Variants in CDH18 observed in about 807,000 individuals in gnomAD.
CDH18 encodes the protein cadherin-18.
Under a neutral mutation model 67.9 loss-of-function variants are expected in CDH18, and 31 were observed. That is an observed-to-expected ratio of 0.46 (90% confidence interval 0.34 to 0.62). CDH18 has a LOEUF of 0.62. Among genes scored for constraint, CDH18 ranks in the 20% least tolerant of loss-of-function variants. The pLI is 0.01. For missense variants in CDH18, 890 were observed against 975.5 expected, an observed-to-expected ratio of 0.91 and a Z score of 1.17; for synonymous variants, 362 against 347.2, an observed-to-expected ratio of 1.04 and a Z score of -0.48.
At chr5:20,103,131 C>T (rs781436934) in intron 2 of CDH18, among the ~76,000 whole-genome samples, 1 of 152,138 alleles carries the variant, frequency 6.6e-6, no homozygotes, top group Non-Finnish European at 1.5e-5. Flanking sequence ...CTATGTCATG[C>T]GTCCCCAGTA....
chr5:19,524,306 TATTA>T (rs761878171), intron 9 of CDH18, among the ~76,000 whole-genome samples: 32 of 149,446 alleles, frequency 2.1e-4, no homozygotes, highest in Non-Finnish European at 3.3e-4. Context: ...TATATTATTA[TATTA>T]ATTATATATT....
At chr5:20,482,855 AT>A (rs1175311015) in intron 1 of CDH18, among the ~76,000 whole-genome samples, 1 of 152,048 alleles carries the variant, frequency 6.6e-6, no homozygotes. Flanking sequence ...CTCCTGCATG[AT>A]CTCAAAACTT....
chr5:19,481,253 A>T (rs1288565778), intron 12 of CDH18, among the ~76,000 whole-genome samples: 1 of 152,148 alleles, frequency 6.6e-6, no homozygotes. Flanking sequence ...AACTTGAATG[A>T]AGTGGACTTC....
rs536898108 is a variant in CDH18, at chr5:19,825,050, T to C, written c.228+13709A>G. ...AGCTGGAATGCACAGCTTCTGGTTG[T>C]CCCAGGAAGCATCCAGATAGCAGGG... On this transcript the variant is annotated intron_variant, in intron 3 of 12. Transcript: ENST00000382275. Among the ~76,000 whole-genome samples the C allele has an allele frequency of 2.0e-5, 3 of 152,222 alleles. No individual in the cohort carries two copies. In the East Asian group the frequency reaches 5.8e-4, roughly 30 times the overall value.
chr5:19,618,096 G>A (rs1384780948), intron 5 of CDH18, among the ~76,000 whole-genome samples: 1 of 152,070 alleles, frequency 6.6e-6, no homozygotes, highest in African/African-American at 2.4e-5. Context: ...AAACAAGCCT[G>A]CACATTTAAA....
chr5:20,266,408 ATGTT>A (rs960625919), intron 1 of CDH18, among the ~76,000 whole-genome samples: 1 of 151,724 alleles, frequency 6.6e-6, no homozygotes, highest in Non-Finnish European at 1.5e-5. Context: ...GAAAAAAAGT[ATGTT>A]TGTTTGTTTG....
intron 2 of CDH18, among the ~76,000 whole-genome samples, chr5:20,017,172 C>A (rs762381611): frequency 3.3e-5 from 5 of 152,022 alleles, no homozygotes; most frequent in African/African-American, 1.2e-4. Context: ...AAACTAAATA[C>A]GTACTGAAAA....
At chr5:20,233,908 C>A (rs1742274438) in intron 2 of CDH18, among the ~76,000 whole-genome samples, 1 of 152,134 alleles carries the variant, frequency 6.6e-6, no homozygotes, top group South Asian at 2.1e-4. Context: ...GGCTTATGGT[C>A]TATTTTATTC....
At chr5:20,102,316 A>C (rs1052211978) in intron 2 of CDH18, among the ~76,000 whole-genome samples, 1 of 151,892 alleles carries the variant, frequency 6.6e-6, no homozygotes, top group South Asian at 2.1e-4. Flanking sequence ...AGTGAAGTAC[A>C]TATTCTGTTT....
chr5:19,656,130 A>G (rs911794346), intron 5 of CDH18, among the ~76,000 whole-genome samples: 3 of 151,932 alleles, frequency 2.0e-5, no homozygotes, highest in Non-Finnish European at 4.4e-5. Context: ...CTTCCATGCA[A>G]GTAGGCAGGA....
chr5:19,960,673 A>G (rs1322392287), intron 2 of CDH18, among the ~76,000 whole-genome samples: 3 of 136,504 alleles, frequency 2.2e-5, no homozygotes, highest in South Asian at 2.1e-4. Context: ...ACACATGTAT[A>G]TATATGTATA....
At chr5:19,954,808 C>G (rs1796100407) in intron 2 of CDH18, among the ~76,000 whole-genome samples, 1 of 151,284 alleles carries the variant, frequency 6.6e-6, no homozygotes, top group Admixed American at 6.6e-5. Flanking sequence ...AAACTTACGT[C>G]AACCCAAACA....
At chr5:20,514,887 G>A (rs548643390) in intron 1 of CDH18, among the ~76,000 whole-genome samples, 8 of 152,098 alleles carry the variant, frequency 5.3e-5, no homozygotes, top group African/African-American at 1.9e-4. Flanking sequence ...GGTGACTTAA[G>A]CATTAGCAGG....
intron 3 of CDH18, among the ~76,000 whole-genome samples, chr5:19,762,611 A>G (rs1772516068): frequency 6.6e-6 from 1 of 152,150 alleles, no homozygotes; most frequent in South Asian, 2.1e-4. Context: ...GGTGTTGGAG[A>G]GGATGTGGAG....
chr5:19,832,154 T>C (rs1781108296), intron 3 of CDH18, among the ~76,000 whole-genome samples: 1 of 152,118 alleles, frequency 6.6e-6, no homozygotes, highest in South Asian at 2.1e-4. Flanking sequence ...TATTGATTAC[T>C]GTGCTTACTA....
intron 2 of CDH18, among the ~76,000 whole-genome samples, chr5:19,877,296 G>GA (rs551888156): frequency 3.4e-4 from 52 of 152,230 alleles, no homozygotes; most frequent in Non-Finnish European, 4.4e-5. Context: ...GGCAATACTG[G>GA]AAAAATCTTC....
chr5:20,142,049 A>C (rs4091441), intron 2 of CDH18, among the ~76,000 whole-genome samples: 116,727 of 151,764 alleles, frequency 0.77, 48,473 homozygotes, highest in Non-Finnish European at 0.92. Context: ...AAATTAGATA[A>C]ATATAAATAA....
chr5:20,303,787 T>C (rs1015405424), intron 1 of CDH18, among the ~76,000 whole-genome samples: 3 of 152,160 alleles, frequency 2.0e-5, no homozygotes, highest in African/African-American at 7.2e-5. Flanking sequence ...GTTAGTTTAA[T>C]AAACAAACGA....
intron 1 of CDH18, among the ~76,000 whole-genome samples, chr5:20,500,809 T>C (rs1754206374): frequency 6.6e-6 from 1 of 152,200 alleles, no homozygotes; most frequent in Non-Finnish European, 1.5e-5. Context: ...ATCCATATAG[T>C]AAGTGCCTAA....
Sources: allele counts gnomAD v4.1 joint callset (sites outside exome capture counted in the v4.1 genomes callset), GRCh38; gene constraint gnomAD v4.1.1; transcripts MANE v1.5; gene names NCBI Gene and HGNC (gene_info 2026-07-23, HGNC 2026-07-21).